Variants in VPS8 observed in about 807,000 individuals in gnomAD.
VPS8 encodes the protein VPS8 subunit of CORVET complex.
A neutral mutation model predicts 216.4 loss-of-function variants in VPS8; 129 were observed. That is an observed-to-expected ratio of 0.60 (90% confidence interval 0.52 to 0.69). The LOEUF (loss-of-function observed/expected upper bound fraction) is 0.69. Ranked by LOEUF, VPS8 falls within the 30% of genes least tolerant of loss-of-function variation. The pLI is 0.00. For missense variants in VPS8, 1,531 were observed against 1,683.5 expected, an observed-to-expected ratio of 0.91 and a Z score of 1.59; for synonymous variants, 571 against 565.4, an observed-to-expected ratio of 1.01 and a Z score of -0.14.
At chr3:184,922,948 C>CATAT (rs146176585) in intron 29 of VPS8, among the ~76,000 whole-genome samples, 1 of 151,572 alleles carries the variant, frequency 6.6e-6, no homozygotes, top group African/African-American at 2.4e-5. Flanking sequence ...AGGGAATTCT[C>CATAT]ATATATATAT....
intron 38 of VPS8, among the ~76,000 whole-genome samples, chr3:184,965,865 T>G (rs9784277): frequency 0.05 from 7,670 of 152,008 alleles, 682 homozygotes; most frequent in African/African-American, 0.18. Context: ...AGGGATAGAT[T>G]TGAGAAGTTA....
At chr3:184,989,826 A>C (rs975892374) in intron 42 of VPS8, among the ~76,000 whole-genome samples, 6 of 152,094 alleles carry the variant, frequency 3.9e-5, no homozygotes, top group African/African-American at 1.4e-4. Context: ...TAATCCCAGC[A>C]CTTTGGGAGG....
At chr3:184,897,927 C>G (rs918731134) in intron 23 of VPS8, among the ~76,000 whole-genome samples, 8 of 152,110 alleles carry the variant, frequency 5.3e-5, no homozygotes, top group Non-Finnish European at 1.0e-4. Context: ...CTCACTCTTG[C>G]TTCTTCCTAC....
In VPS8 at chr3:184,982,600, C is replaced by T; in HGVS notation, c.3455C>T (p.Ala1152Val). Residue 1152 changes from alanine to valine, a missense_variant, in exon 41 of 48, where the codon GCC (alanine) becomes GTC (valine). Around this residue, in one of 3 missense-constraint regions of VPS8, gnomAD observed 1,318 missense variants for 1,468.4 expected, o/e 0.90. Transcript: ENST00000625842. ...LWFPLLEAMM[A>V]PQKLSSSAIP... is the part of the protein sequence containing the mutation. ...TTTCCGTTATTGGAGGCAATGATGGCCCCTCAGAAGCTGTCCAGTTCAGCC... is the reference window on the plus strand; with the variant it reads ...TTTCCGTTATTGGAGGCAATGATGGTCCCTCAGAAGCTGTCCAGTTCAGCC... 6.2e-7 allele frequency: 1 copy of T among 1,613,356 alleles called. No individual in the cohort carries two copies.
intron 1 of VPS8, chr3:184,815,766 T>G (rs1716176775): frequency 6.6e-6 from 1 of 151,842 alleles, no homozygotes; most frequent in Non-Finnish European, 1.5e-5. Flanking sequence ...GTTTTAACCT[T>G]TGTTTTTTCC....
Position 184,993,997 on chromosome 3 carries a change from A to G in VPS8, c.3600A>G (p.Gly1200=), listed in dbSNP as rs763661226. 6.4e-7 allele frequency: 1 copy of G among 1,563,892 alleles called. No homozygotes were observed. The highest frequency in any genetic ancestry group is 1.9e-5 in the Admixed American group (1 of 52,304). Residue 1200 remains glycine (G), a synonymous_variant, in exon 43 of 48, where the codon GGA becomes GGG. Transcript: ENST00000625842. ...LQRILQDPVY[G]KGKLGEIQGL... The stretch of plus-strand genomic sequence containing the variant: ...TTTCCGATTAGGATCCAGTTTATGG[A>G]AAAGGAAAACTTGGAGAAATCCAGG...
In VPS8 at chr3:184,983,074, A is replaced by G. The variant is rs529930623; in HGVS notation, c.3565A>G (p.Ile1189Val). 3 of 1,609,082 alleles carry G rather than the reference A, an allele frequency of 1.9e-6. No homozygotes were observed. The highest frequency in any genetic ancestry group is 1.3e-5 in the African/African-American group (1 of 74,980). The change falls in exon 42 of 48, where the codon ATC becomes GTC. Residue 1189 changes from isoleucine to valine, a missense_variant. Ile to Val is a conservative substitution (Grantham distance 29, BLOSUM62 3). Transcript: ENST00000625842. Reference sequence around the variant, plus strand: ...GGCAGCATTTATTGCCCTTCCATCAATCTTGCAAAGAATCTTACAGGTGAG... The same window carrying G: ...GGCAGCATTTATTGCCCTTCCATCAGTCTTGCAAAGAATCTTACAGGTGAG... Reference protein sequence around the residue: ...SMAAFIALPSILQRILQDPVY... With the variant: ...SMAAFIALPSVLQRILQDPVY...
At chr3:184,846,566 T>C (rs1032310658) in intron 8 of VPS8, among the ~76,000 whole-genome samples, 2 of 152,186 alleles carry the variant, frequency 1.3e-5, no homozygotes, top group African/African-American at 4.8e-5. Flanking sequence ...GTAGTGAGAG[T>C]CTTTAAGTAT....
chr3:184,896,619 T>C (rs1733535203), intron 23 of VPS8, among the ~76,000 whole-genome samples: 3 of 152,228 alleles, frequency 2.0e-5, no homozygotes, highest in Non-Finnish European at 2.9e-5. Context: ...CAATCCTTAT[T>C]TTATTTACTC....
chr3:184,837,761 T>G (rs1298753859), intron 5 of VPS8, among the ~76,000 whole-genome samples: 1 of 152,222 alleles, frequency 6.6e-6, no homozygotes, highest in Non-Finnish European at 1.5e-5. Context: ...AAAGAAGATG[T>G]GTAAGTGATA....
intron 32 of VPS8, among the ~76,000 whole-genome samples, chr3:184,929,378 C>T (rs949312698): frequency 2.0e-5 from 3 of 151,968 alleles, no homozygotes; most frequent in African/African-American, 7.2e-5. Flanking sequence ...TTTGTAGAGA[C>T]GGGGTCTTGC....
intron 40 of VPS8, among the ~76,000 whole-genome samples, chr3:184,977,762 C>T (rs1241292764): frequency 1.4e-5 from 2 of 146,582 alleles, no homozygotes; most frequent in Admixed American, 6.8e-5. Flanking sequence ...TTTTTCAAAG[C>T]TCAGATGGTT....
intron 45 of VPS8, among the ~76,000 whole-genome samples, chr3:185,016,098 A>T (rs769219674): frequency 5.3e-5 from 8 of 152,208 alleles, no homozygotes; most frequent in Non-Finnish European, 1.2e-4. Flanking sequence ...AGGATAGAAA[A>T]TAGATTACTC....
chr3:184,920,007 T>C, intron 28 of VPS8, 120 bp from the exon 29 acceptor site: 1 of 712,800 alleles, frequency 1.4e-6, no homozygotes, highest in Non-Finnish European at 2.3e-6. Flanking sequence ...CAAAACCTAA[T>C]GAGGAATAGT....
rs559670264 is a variant in VPS8, at chr3:184,867,342, A to G, written c.1470+392A>G. On this transcript the variant is annotated intron_variant, in intron 17 of 47. Coordinates refer to ENST00000625842, the MANE Select transcript of VPS8 (RefSeq NM_001009921.3). The stretch of plus-strand genomic sequence containing the variant: ...ATTGAGGTATTTGACTTAGAATAGA[A>G]TTGTTGGAATAGGAACTTTCTGTAC... Among the ~76,000 whole-genome samples, 141 of 152,344 alleles carry G rather than the reference A, an allele frequency of 9.3e-4. 1 individual carries two copies. Among genetic ancestry groups the G allele is most frequent in the Non-Finnish European group, 1.7e-3 (114 of 68,028 alleles).
At chr3:184,849,741 A>G in intron 9 of VPS8, 195 bp from the exon 10 acceptor site, 1 of 566,590 alleles carries the variant, frequency 1.8e-6, no homozygotes. Context: ...GATGGGCAGG[A>G]TGAAGGGTAA....
intron 45 of VPS8, among the ~76,000 whole-genome samples, chr3:185,019,660 G>A (rs1219982585): frequency 6.6e-6 from 1 of 152,198 alleles, no homozygotes; most frequent in Non-Finnish European, 1.5e-5. Context: ...GGGTGGGCCA[G>A]GTGTTCCTTG....
At chr3:184,951,333 A>C (rs1400646102) in intron 36 of VPS8, among the ~76,000 whole-genome samples, 1 of 152,114 alleles carries the variant, frequency 6.6e-6, no homozygotes, top group Non-Finnish European at 1.5e-5. Context: ...AAAAATATCA[A>C]AAATTAGCCA....
At chr3:184,847,683 A>T (rs1723399079) in intron 8 of VPS8, among the ~76,000 whole-genome samples, 2 of 152,192 alleles carry the variant, frequency 1.3e-5, no homozygotes, top group Admixed American at 1.3e-4. Context: ...TTAAATTTTT[A>T]ATTTCATTGT....
Sources: allele counts gnomAD v4.1 joint callset (sites outside exome capture counted in the v4.1 genomes callset), GRCh38; gene constraint gnomAD v4.1.1; regional missense constraint gnomAD v4.1.1; transcripts MANE v1.5; gene names NCBI Gene and HGNC (gene_info 2026-07-23, HGNC 2026-07-21).